The following DACH2 variants were observed in gnomAD, a reference collection of about 807,000 sequenced individuals.
The protein encoded by DACH2 is dachshund homolog 2.
A neutral mutation model predicts 35.8 loss-of-function variants in DACH2; 17 were observed. That is an observed-to-expected ratio of 0.48 (90% confidence interval 0.33 to 0.71). The LOEUF is 0.71. DACH2 is among the 30% of genes least tolerant of loss of function. DACH2 has a pLI of 0.02. For synonymous variants in DACH2, 195 were observed against 177.3 expected, an observed-to-expected ratio of 1.10 and a Z score of -0.79; for missense variants, 469 against 472.7, an observed-to-expected ratio of 0.99 and a Z score of 0.07.
intron 1 of DACH2, among the ~76,000 whole-genome samples, chrX:86,248,610 C>T (rs1395067172): frequency 9.0e-6 from 1 of 111,004 alleles, no homozygotes; most frequent in African/African-American, 3.3e-5. Context: ...GTTAAAATGG[C>T]GTTACTCCCC....
At chrX:86,333,361 G>A (rs905746473) in intron 1 of DACH2, among the ~76,000 whole-genome samples, 3 of 111,782 alleles carry the variant, frequency 2.7e-5, no homozygotes, top group African/African-American at 9.8e-5. Flanking sequence ...TTTACTGCAA[G>A]AAAAATGCAA....
At chrX:86,181,780 G>T (rs2031503707) in intron 1 of DACH2, among the ~76,000 whole-genome samples, 1 of 111,665 alleles carries the variant, frequency 9.0e-6, no homozygotes, top group Non-Finnish European at 1.9e-5. Flanking sequence ...CACAATGGTT[G>T]AATTCATTTA....
intron 3 of DACH2, among the ~76,000 whole-genome samples, chrX:86,553,963 A>AT (rs1290024564): frequency 2.2e-4 from 24 of 107,664 alleles, no homozygotes; most frequent in African/African-American, 3.7e-4. Context: ...GCTCAGGATA[A>AT]TTTTTTTTTT....
In DACH2 at chrX:86,571,077, A is replaced by G. The variant is rs1436355969; in HGVS notation, c.640+56686A>G. 4.5e-5 allele frequency among the ~76,000 whole-genome samples: 5 copies of G among 111,083 alleles called. No homozygotes were observed. In the East Asian group the frequency reaches 8.5e-4, roughly 19 times the overall value. On this transcript the variant is annotated intron_variant, in intron 3 of 11. Coordinates refer to ENST00000373125, the MANE Select transcript of DACH2 (RefSeq NM_053281.3). ...TAGAAGTTTTATCATTTTTGCTTTT[A>G]TATTTTAATATATTATCCACTTTGA...
chrX:86,394,812 C>T (rs761962042), intron 2 of DACH2, among the ~76,000 whole-genome samples: 1 of 111,310 alleles, frequency 9.0e-6, no homozygotes, highest in Non-Finnish European at 1.9e-5. Context: ...GAAATATAGC[C>T]CAGGGTGTCT....
At chrX:86,307,064 C>A (rs1023969486) in intron 1 of DACH2, among the ~76,000 whole-genome samples, 1 of 111,745 alleles carries the variant, frequency 8.9e-6, no homozygotes, top group African/African-American at 3.3e-5. Context: ...TCATGAAAGG[C>A]AAGGAGTTTA....
intron 6 of DACH2, among the ~76,000 whole-genome samples, chrX:86,738,023 A>G (rs942558073): frequency 9.0e-6 from 1 of 111,548 alleles, no homozygotes; most frequent in African/African-American, 3.3e-5. Context: ...CATCTCTGTG[A>G]CAATTCCTCT....
intron 1 of DACH2, among the ~76,000 whole-genome samples, chrX:86,270,555 T>A (rs1229102696): frequency 9.0e-6 from 1 of 111,602 alleles, no homozygotes; most frequent in Non-Finnish European, 1.9e-5. Context: ...AGAGGTGGGA[T>A]TCGTTTCATG....
chrX:86,793,598 A>G (rs946832186), intron 7 of DACH2, among the ~76,000 whole-genome samples: 26 of 111,859 alleles, frequency 2.3e-4, no homozygotes, highest in African/African-American at 7.8e-4. Context: ...TAAAATCAGA[A>G]ACAAATATTT....
In DACH2 at chrX:86,512,805, G is replaced by A. The variant is rs775224730; in HGVS notation, c.528-1474G>A. The A allele has an allele frequency of 2.6e-4, 78 of 303,015 alleles. 1 individual carries two copies. Among genetic ancestry groups the A allele is most frequent in the South Asian group, 2.4e-3 (78 of 33,011 alleles). The allele number at this position is 303,015 out of a possible 1,213,427, so 25.0% of individuals were successfully genotyped here. A position where few individuals can be genotyped will look rare whatever the true frequency, so the allele number is the denominator to read the frequency against. On this transcript the variant is annotated intron_variant, in intron 2 of 11. Coordinates refer to ENST00000373125, the MANE Select transcript of DACH2 (RefSeq NM_053281.3). Reference sequence around the variant, plus strand: ...TCCTTTAGGACATTCGAAGTACATAGGATATTTCTGCTTCCAGCATTCCTT... The same window carrying A: ...TCCTTTAGGACATTCGAAGTACATAAGATATTTCTGCTTCCAGCATTCCTT...
chrX:86,383,149 C>T (rs139897956), intron 2 of DACH2, among the ~76,000 whole-genome samples: 66 of 110,346 alleles, frequency 6.0e-4, no homozygotes, highest in Non-Finnish European at 7.6e-5. Context: ...TCACTTAAAA[C>T]ACAAGCTATC....
intron 1 of DACH2, among the ~76,000 whole-genome samples, chrX:86,370,489 A>C (rs1010290924): frequency 1.8e-5 from 2 of 111,740 alleles, no homozygotes; most frequent in Non-Finnish European, 3.8e-5. Context: ...AAGACATGAA[A>C]TATAAATAGT....
intron 3 of DACH2, among the ~76,000 whole-genome samples, chrX:86,638,940 C>T (rs1206993497): frequency 9.0e-6 from 1 of 111,714 alleles, no homozygotes; most frequent in African/African-American, 3.3e-5. Flanking sequence ...ATTATTATAT[C>T]AAAAATATAC....
chrX:86,266,535 G>A (rs977025025), intron 1 of DACH2, among the ~76,000 whole-genome samples: 1 of 111,693 alleles, frequency 9.0e-6, no homozygotes, highest in East Asian at 2.8e-4. Flanking sequence ...TGTCTATTCC[G>A]TGTCTTCATG....
At chrX:86,818,469 A>G in intron 11 of DACH2, among the ~76,000 whole-genome samples, 1 of 111,563 alleles carries the variant, frequency 9.0e-6, no homozygotes, top group South Asian at 3.7e-4. Context: ...TTTTGAATGT[A>G]TCTGTGAAAC....
At chrX:86,581,435 GGA>G (rs2039499479) in intron 3 of DACH2, among the ~76,000 whole-genome samples, 1 of 111,331 alleles carries the variant, frequency 9.0e-6, no homozygotes, top group South Asian at 3.8e-4. Context: ...TGGCAAAGTG[GGA>G]GAAATAAGCA....
intron 1 of DACH2, among the ~76,000 whole-genome samples, chrX:86,251,096 T>C (rs1227925795): frequency 9.0e-6 from 1 of 111,053 alleles, no homozygotes; most frequent in African/African-American, 3.3e-5. Flanking sequence ...TGCATTGTCT[T>C]TCCAGTAGTA....
At chrX:86,268,508 T>C (rs1164448548) in intron 1 of DACH2, among the ~76,000 whole-genome samples, 2 of 94,875 alleles carry the variant, frequency 2.1e-5, no homozygotes, top group African/African-American at 7.8e-5. Context: ...TATTTTATTT[T>C]ATTTTATTTT....
intron 2 of DACH2, among the ~76,000 whole-genome samples, chrX:86,416,767 G>A (rs981928061): frequency 1.8e-5 from 2 of 110,520 alleles, no homozygotes; most frequent in Non-Finnish European, 3.8e-5. Context: ...GGGAGCAAGA[G>A]AGAGAGGGGA....
Sources: allele counts gnomAD v4.1 joint callset (sites outside exome capture counted in the v4.1 genomes callset), GRCh38; gene constraint gnomAD v4.1.1; transcripts MANE v1.5; gene names NCBI Gene and HGNC (gene_info 2026-07-23, HGNC 2026-07-21).